IMMP2L: variants seen among roughly 807,000 people sequenced by gnomAD.
IMMP2L encodes mitochondrial inner membrane protease subunit 2.
In IMMP2L, 18 loss-of-function variants were observed where a neutral mutation model predicts 19.3. That is an observed-to-expected ratio of 0.93 (90% CI 0.64 to 1.38). The LOEUF is 1.38. Ranked by LOEUF, IMMP2L falls within the 40% of genes most tolerant of loss-of-function variation. IMMP2L has a pLI of 0.00. For synonymous variants in IMMP2L, 76 were observed against 73.0 expected (o/e 1.04, Z -0.21); for missense variants, 233 against 218.2 (o/e 1.07, Z -0.43).
chr7:110,838,980 T>A (rs1323129008), intron 5 of IMMP2L, among the ~76,000 whole-genome samples: 1 of 152,122 alleles, frequency 6.6e-6, no homozygotes, highest in African/African-American at 2.4e-5. Flanking sequence ...CTAGTAGATG[T>A]TCTTATTAAT....
chr7:110,683,865 T>C (rs1164944643), intron 5 of IMMP2L, among the ~76,000 whole-genome samples: 2 of 152,152 alleles, frequency 1.3e-5, no homozygotes, highest in African/African-American at 4.8e-5. Context: ...CTACAAATAA[T>C]AGTTATTTTG....
At chr7:111,268,762 T>G (rs902045908) in intron 3 of IMMP2L, among the ~76,000 whole-genome samples, 4 of 151,362 alleles carry the variant, frequency 2.6e-5, no homozygotes, top group African/African-American at 4.9e-5. Flanking sequence ...CCTGGCTAAT[T>G]TTAATTTTTC....
chr7:111,326,257 G>A (rs959953601), intron 3 of IMMP2L, among the ~76,000 whole-genome samples: 1 of 151,760 alleles, frequency 6.6e-6, no homozygotes, highest in East Asian at 1.9e-4. Context: ...GACTGAGATT[G>A]CCAAATAAAA....
At chr7:110,801,300 C>G (rs1185982048) in intron 5 of IMMP2L, among the ~76,000 whole-genome samples, 1 of 152,064 alleles carries the variant, frequency 6.6e-6, no homozygotes, top group African/African-American at 2.4e-5. Flanking sequence ...ATATTTTGCT[C>G]AAATTGAGCC....
intron 2 of IMMP2L, among the ~76,000 whole-genome samples, chr7:111,488,555 ATTTTCT>A (rs971831536): frequency 2.2e-4 from 34 of 152,084 alleles, no homozygotes; most frequent in African/African-American, 8.2e-4. Context: ...TACACACCAC[ATTTTCT>A]TTATCCACTC....
chr7:110,851,248 A>G (rs1385190399), intron 5 of IMMP2L, among the ~76,000 whole-genome samples: 1 of 152,160 alleles, frequency 6.6e-6, no homozygotes. Context: ...ACAGGTACAC[A>G]AAGATTTATA....
At chr7:111,127,540 T>A (rs574278259) in intron 3 of IMMP2L, among the ~76,000 whole-genome samples, 40 of 152,302 alleles carry the variant, frequency 2.6e-4, no homozygotes, top group South Asian at 1.0e-3. Flanking sequence ...CCTACTGATT[T>A]GCTTAAATTT....
intron 3 of IMMP2L, among the ~76,000 whole-genome samples, chr7:111,062,708 G>C (rs920551818): frequency 1.3e-5 from 2 of 152,170 alleles, no homozygotes; most frequent in Non-Finnish European, 2.9e-5. Flanking sequence ...GGGAAAACTA[G>C]CCAAAACAAA....
intron 5 of IMMP2L, among the ~76,000 whole-genome samples, chr7:110,714,743 C>T (rs1284188207): frequency 6.6e-6 from 1 of 152,036 alleles, no homozygotes; most frequent in East Asian, 1.9e-4. Context: ...ATTACAGGTA[C>T]CTGCCACCAT....
At chr7:110,962,853 T>C in intron 4 of IMMP2L, 2 of 1,297,260 alleles carry the variant, frequency 1.5e-6, no homozygotes, top group Non-Finnish European at 1.9e-6. Context: ...TACCACATTG[T>C]ATAGGCCTGG....
chr7:111,208,502 G>A (rs1240848501), intron 3 of IMMP2L, among the ~76,000 whole-genome samples: 1 of 152,072 alleles, frequency 6.6e-6, no homozygotes, highest in Non-Finnish European at 1.5e-5. Context: ...CATTTTTACT[G>A]GCAGGTTATG....
intron 4 of IMMP2L, among the ~76,000 whole-genome samples, chr7:110,896,976 A>AGGG (rs1398264604): frequency 1.3e-5 from 2 of 151,918 alleles, no homozygotes; most frequent in Non-Finnish European, 2.9e-5. Context: ...CCATGCCTCA[A>AGGG]TTTTATTTTT....
intron 2 of IMMP2L, among the ~76,000 whole-genome samples, chr7:111,502,324 T>C (rs1844367614): frequency 6.6e-6 from 1 of 152,070 alleles, no homozygotes; most frequent in South Asian, 2.1e-4. Flanking sequence ...ATAAAGCAAG[T>C]CCTTAGTGAC....
At chr7:111,547,849 G>T (rs1264759591) in intron 1 of IMMP2L, among the ~76,000 whole-genome samples, 1 of 151,788 alleles carries the variant, frequency 6.6e-6, no homozygotes, top group Non-Finnish European at 1.5e-5. Flanking sequence ...GCCTCCCAAG[G>T]AGCTGGGACC....
At chr7:111,504,076 T>C (rs1247139381) in intron 2 of IMMP2L, among the ~76,000 whole-genome samples, 5 of 152,192 alleles carry the variant, frequency 3.3e-5, no homozygotes, top group South Asian at 2.1e-4. Flanking sequence ...AAAACCCTAT[T>C]GTCTCAGCCC....
At chr7:111,346,830 T>C (rs1000165227) in intron 3 of IMMP2L, among the ~76,000 whole-genome samples, 1 of 152,192 alleles carries the variant, frequency 6.6e-6, no homozygotes, top group Non-Finnish European at 1.5e-5. Flanking sequence ...GTGGCTCTGG[T>C]CAGACTCTGG....
intron 3 of IMMP2L, among the ~76,000 whole-genome samples, chr7:111,131,711 T>A (rs1015046126): frequency 3.3e-5 from 5 of 151,998 alleles, no homozygotes; most frequent in African/African-American, 1.2e-4. Context: ...ACCCAATTTA[T>A]GTGATCCTCA....
chr7:111,211,225 C>T (rs1449107145), intron 3 of IMMP2L, among the ~76,000 whole-genome samples: 3 of 152,064 alleles, frequency 2.0e-5, no homozygotes, highest in Admixed American at 6.6e-5. Context: ...TTCAGATAGG[C>T]CCCAAAACAT....
chr7:111,074,607 C>T lies in IMMP2L; in HGVS notation c.240-111042G>A, dbSNP rs184374151. Among the ~76,000 whole-genome samples the T allele has an allele frequency of 5.4e-3, 814 of 152,136 alleles. 7 individuals are homozygous for T. The highest frequency in any genetic ancestry group is 8.7e-3 in the South Asian group (42 of 4,810). ...TCACTTTGGAAAAGGGAAGTTGGCT[C>T]ACAGAGTTTTCATCTACACAGACAC... On this transcript the variant is annotated intron_variant, in intron 3 of 5. Coordinates refer to ENST00000405709, the MANE Select transcript of IMMP2L (RefSeq NM_032549.4).
Sources: allele counts gnomAD v4.1 joint callset (sites outside exome capture counted in the v4.1 genomes callset), GRCh38; gene constraint gnomAD v4.1.1; transcripts MANE v1.5; gene names NCBI Gene and HGNC (gene_info 2026-07-23, HGNC 2026-07-21).